Variants in SMPD4 observed in about 807,000 individuals in gnomAD.
SMPD4 encodes neutral sphingomyelinase 3.
In SMPD4, 58 loss-of-function variants were observed where a neutral mutation model predicts 97.8. The observed-to-expected ratio is 0.59, with a 90% CI of 0.48 to 0.74. The LOEUF (loss-of-function observed/expected upper bound fraction) is 0.74, where lower values mean the gene tolerates loss of function less well. Ranked by LOEUF, SMPD4 falls within the 30% of genes least tolerant of loss-of-function variation. SMPD4 has a pLI of 0.00. For synonymous variants in SMPD4, 388 were observed against 450.0 expected (o/e 0.86, Z 1.74); for missense variants, 853 against 1,080.5 (o/e 0.79, Z 2.95).
intron 9 of SMPD4, among the ~76,000 whole-genome samples, chr2:130,165,108 TAAAA>T (rs35361623): frequency 3.2e-5 from 2 of 61,910 alleles, no homozygotes; most frequent in South Asian, 5.3e-4. Context: ...GACTCTGATT[TAAAA>T]AAAAAAAAAA....
chr2:130,153,092 G>A lies in SMPD4; in HGVS notation c.2105C>T (p.Ala702Val). 6.2e-7 allele frequency: 1 copy of A among 1,613,452 alleles called. No homozygotes were observed. The highest frequency in any genetic ancestry group is 8.5e-7 in the Non-Finnish European group (1 of 1,180,006). Residue 702 changes from alanine (A) to valine (V), a missense_variant, in exon 19 of 20, where the codon GCC becomes GTC. Ala to Val is a moderately conservative substitution (Grantham distance 64). This residue lies in a region of SMPD4 where 511 missense variants were observed against 608.1 expected (regional missense o/e 0.84). Transcript: ENST00000680298. ...ELQPIRSYEI[A>V]SLVRTLFRLS... is the part of the protein sequence containing the mutation. ...CCTAAAGAGTGTGCGGACCAAGCTG[G>A]CGATCTCATAGCTCCGGATGGGCTG...
chr2:130,153,166 G>A lies in SMPD4; in HGVS notation c.2031C>T (p.Ile677=), dbSNP rs774142444. 5 of 1,613,666 alleles carry A rather than the reference G, an allele frequency of 3.1e-6. No individual in the cohort carries two copies. In the African/African-American group the frequency reaches 6.7e-5, roughly 22 times the overall value. Residue 677 remains isoleucine, a synonymous_variant, in exon 19 of 20, where the codon ATC becomes ATT. Transcript: ENST00000680298. The part of the protein sequence containing the change: ...ILTPLGRYQI[I]NGLRRFEIEY... ...CAATTTCAAACCTTCGCAGCCCATT[G>A]ATGATCTAGAAAGCCAGGCCATGGG... is the stretch of plus-strand genomic sequence containing the variant.
chr2:130,160,365 T>C (rs1460564006), intron 11 of SMPD4, among the ~76,000 whole-genome samples: 2 of 152,254 alleles, frequency 1.3e-5, no homozygotes, highest in African/African-American at 4.8e-5. Context: ...TTCAATCATG[T>C]GTGCTCTTTC....
At chr2:130,164,804 A>T (rs540909228) in intron 9 of SMPD4, among the ~76,000 whole-genome samples, 2 of 152,250 alleles carry the variant, frequency 1.3e-5, no homozygotes, top group African/African-American at 4.8e-5. Context: ...AAAATACTAT[A>T]GATAGAGTAA....
intron 1 of SMPD4, among the ~76,000 whole-genome samples, chr2:130,178,431 G>A (rs1689172494): frequency 6.6e-6 from 1 of 152,138 alleles, no homozygotes; most frequent in South Asian, 2.1e-4. Context: ...CATATTACCT[G>A]TGCACTATGC....
chr2:130,161,049 G>T, intron 11 of SMPD4, 137 bp downstream of exon 11: 7 of 760,984 alleles, frequency 9.2e-6, no homozygotes, highest in Non-Finnish European at 1.5e-5. Flanking sequence ...GCTGACCCCT[G>T]CCTCCCCCCG....
chr2:130,171,568 C>T (rs1688469143), intron 8 of SMPD4, among the ~76,000 whole-genome samples: 1 of 152,220 alleles, frequency 6.6e-6, no homozygotes, highest in Admixed American at 6.5e-5. Context: ...TTCAGGGTCA[C>T]TGATCACTGC....
chr2:130,155,701 G>C (rs1686710885), intron 14 of SMPD4, among the ~76,000 whole-genome samples: 1 of 152,038 alleles, frequency 6.6e-6, no homozygotes, highest in Non-Finnish European at 1.5e-5. Context: ...CTCATCCCCT[G>C]CTTGATCACC....
intron 12 of SMPD4, 61 bp from the exon 13 acceptor site, chr2:130,156,736 G>A (rs764657343): frequency 5.1e-6 from 8 of 1,575,474 alleles, no homozygotes; most frequent in Non-Finnish European, 4.3e-6. Context: ...GCTCACAGAT[G>A]ACCCCAGGGC....
At chr2:130,181,757 G>A, upstream of SMPD4, 1 of 1,548,274 alleles carries the variant, frequency 6.5e-7, no homozygotes, top group Non-Finnish European at 8.7e-7. Flanking sequence ...GTGGTCCTTA[G>A]CTGAATGCGC....
chr2:130,158,357 G>T, intron 11 of SMPD4: 2 of 721,878 alleles, frequency 2.8e-6, no homozygotes, highest in Non-Finnish European at 3.8e-6. Context: ...TCCCTCTGTC[G>T]CCCAGGCTGG....
Position 130,156,569 on chromosome 2 carries a change from C to G in SMPD4, c.1188+16G>C. 1 of 1,609,942 alleles carries G rather than the reference C, an allele frequency of 6.2e-7. No homozygotes were observed. Among genetic ancestry groups the G allele is most frequent in the Non-Finnish European group, 8.5e-7 (1 of 1,177,622 alleles). ...ACAGAGGACACAGGCACACGTGTGA[C>G]GGGGCCAACACTCACAGCTCTGAAC... is the stretch of plus-strand genomic sequence containing the variant. On this transcript the variant is annotated intron_variant, in intron 13 of 19. Transcript: ENST00000680298.
intron 10 of SMPD4, among the ~76,000 whole-genome samples, chr2:130,162,235 C>A: frequency 6.6e-6 from 1 of 152,248 alleles, no homozygotes. Context: ...CTAGCCAGGA[C>A]CCTCCGACCT....
intron 10 of SMPD4, 72 bp from the exon 11 acceptor site, chr2:130,161,344 G>T: frequency 7.7e-7 from 1 of 1,295,022 alleles, no homozygotes; most frequent in Non-Finnish European, 1.1e-6. Flanking sequence ...TGGGGAAGGG[G>T]AGAGATAGGA....
At chr2:130,176,183 C>G (rs1429754539) in intron 2 of SMPD4, among the ~76,000 whole-genome samples, 2 of 152,210 alleles carry the variant, frequency 1.3e-5, no homozygotes, top group African/African-American at 4.8e-5. Context: ...ACAGTGTCTC[C>G]ATTTTTCACT....
In SMPD4 at chr2:130,152,122, CAG is replaced by C. The variant is rs571834679; in HGVS notation, c.*431_*432del. The C allele has an allele frequency of 2.5e-3, 443 of 178,200 alleles. 2 individuals are homozygous for C. The highest frequency in any genetic ancestry group is 9.8e-3 in the African/African-American group (413 of 42,210). The allele number at this position is 178,200 out of a possible 1,614,324, so 11.0% of individuals were successfully genotyped here. ...CTTAAGCCACTGTCCTGGTCCCACACAGAGAGAGGAAGCGCCACAACCCACTC... is the reference window on the plus strand; with the variant it reads ...CTTAAGCCACTGTCCTGGTCCCACACAGAGAGGAAGCGCCACAACCCACTC... On this transcript the variant is annotated 3_prime_UTR_variant, in exon 20 of 20. Coordinates refer to ENST00000680298, the MANE Select transcript of SMPD4 (RefSeq NM_017951.5).
At chr2:130,157,713 C>T (rs992315270) in intron 11 of SMPD4, 56 of 403,050 alleles carry the variant, frequency 1.4e-4, no homozygotes, top group Non-Finnish European at 2.3e-4. Context: ...TGCACGGCTG[C>T]AAATCCGCAG....
At chr2:130,170,918 G>A (rs1688394150) in intron 8 of SMPD4, among the ~76,000 whole-genome samples, 1 of 151,592 alleles carries the variant, frequency 6.6e-6, no homozygotes, top group South Asian at 2.1e-4. Context: ...AAAATTAGTC[G>A]GGCATGCTGA....
chr2:130,171,396 C>G (rs1159583800), intron 8 of SMPD4, among the ~76,000 whole-genome samples: 5 of 152,036 alleles, frequency 3.3e-5, no homozygotes, highest in Admixed American at 6.6e-5. Flanking sequence ...AGTCACCACT[C>G]CCAGCCTACG....
Sources: allele counts gnomAD v4.1 joint callset (sites outside exome capture counted in the v4.1 genomes callset), GRCh38; gene constraint gnomAD v4.1.1; regional missense constraint gnomAD v4.1.1; transcripts MANE v1.5; gene names NCBI Gene and HGNC (gene_info 2026-07-23, HGNC 2026-07-21).